Variants in UGT1A9 observed in about 807,000 individuals in gnomAD.
The protein encoded by UGT1A9 is UDP-glucuronosyltransferase 1A9.
A neutral mutation model predicts 45.0 loss-of-function variants in UGT1A9; 35 were observed. That is an observed-to-expected ratio of 0.78 (90% CI 0.59 to 1.03). The LOEUF is 1.03. Ranked by LOEUF, UGT1A9 falls within the 50% of genes least tolerant of loss-of-function variation. UGT1A9 has a pLI of 0.00. For missense variants in UGT1A9, 687 were observed against 666.6 expected (o/e 1.03, Z -0.34); for synonymous variants, 278 against 250.6 (o/e 1.11, Z -1.03).
At chr2:233,693,013 C>A (rs1474583069) in intron 1 of UGT1A9, 1 of 1,614,116 alleles carries the variant, frequency 6.2e-7, no homozygotes, top group Non-Finnish European at 8.5e-7. Context: ...GGATGGCCTG[C>A]CTCCTTCGCT....
At chr2:233,748,116 G>A in intron 1 of UGT1A9, 1 of 1,611,622 alleles carries the variant, frequency 6.2e-7, no homozygotes, top group Admixed American at 1.7e-5. Flanking sequence ...AATGTTCCAG[G>A]CAAAACAGTT....
At chr2:233,719,039 A>T in intron 1 of UGT1A9, 2 of 1,614,110 alleles carry the variant, frequency 1.2e-6, no homozygotes, top group Non-Finnish European at 1.7e-6. Context: ...AAGAAGAGAA[A>T]TTTTTCACCC....
intron 1 of UGT1A9, chr2:233,743,763 C>A (rs1415597563): frequency 7.3e-7 from 1 of 1,367,254 alleles, no homozygotes; most frequent in African/African-American, 1.5e-5. Flanking sequence ...ACCTCGTAGG[C>A]CTCGGCCACC....
chr2:233,696,037 C>T (rs1003324410), intron 1 of UGT1A9, among the ~76,000 whole-genome samples: 55 of 152,230 alleles, frequency 3.6e-4, no homozygotes, highest in African/African-American at 1.3e-3. Flanking sequence ...CCCTAATTTA[C>T]ATTTGAAGAA....
At chr2:233,701,814 A>G (rs2075653740) in intron 1 of UGT1A9, among the ~76,000 whole-genome samples, 1 of 152,220 alleles carries the variant, frequency 6.6e-6, no homozygotes, top group Non-Finnish European at 1.5e-5. Context: ...AAGACACAAC[A>G]TACCAGAATC....
chr2:233,747,052 G>A (rs1432721744), intron 1 of UGT1A9, among the ~76,000 whole-genome samples: 1 of 151,950 alleles, frequency 6.6e-6, no homozygotes, highest in African/African-American at 2.4e-5. Flanking sequence ...GAAAGACAAT[G>A]ATTGGTTAAT....
intron 1 of UGT1A9, chr2:233,682,185 T>C: frequency 1.2e-6 from 2 of 1,614,208 alleles, no homozygotes; most frequent in Non-Finnish European, 1.7e-6. Flanking sequence ...TCATACACTC[T>C]GGAGGATCAG....
intron 1 of UGT1A9, among the ~76,000 whole-genome samples, chr2:233,700,130 A>G (rs1434848061): frequency 2.0e-5 from 3 of 152,150 alleles, no homozygotes; most frequent in Admixed American, 6.5e-5. Flanking sequence ...CCACCCTCTG[A>G]GCTGTTTGTC....
intron 1 of UGT1A9, among the ~76,000 whole-genome samples, chr2:233,745,073 T>G (rs1693008266): frequency 6.6e-6 from 1 of 151,914 alleles, no homozygotes; most frequent in South Asian, 2.1e-4. Context: ...TTTGTATTGT[T>G]TTTTCATTGC....
At chr2:233,761,164 G>C in intron 1 of UGT1A9, 2 of 1,614,240 alleles carry the variant, frequency 1.2e-6, no homozygotes, top group South Asian at 1.1e-5. Flanking sequence ...GTGTATTGGA[G>C]TGGGACTTTT....
Position 233,766,572 on chromosome 2 carries a change from G to A in UGT1A9, c.856-462G>A, listed in dbSNP as rs1699186765. On this transcript the variant is annotated intron_variant, in intron 1 of 4. Coordinates refer to ENST00000354728, the MANE Select transcript of UGT1A9 (RefSeq NM_021027.3). ...TCCTCACCTAGGTCCATGGGCACAG[G>A]TCTGGGGGTGGAGCCCTCGCCAGGG... Among the ~76,000 whole-genome samples, 3 of 152,322 alleles carry A rather than the reference G, an allele frequency of 2.0e-5. No individual in the cohort carries two copies. In the South Asian group the frequency reaches 6.2e-4, roughly 32 times the overall value.
chr2:233,724,324 G>A (rs1335235412), intron 1 of UGT1A9, among the ~76,000 whole-genome samples: 16 of 147,022 alleles, frequency 1.1e-4, no homozygotes, highest in African/African-American at 1.5e-4. Flanking sequence ...GGGGCGGCTG[G>A]CCAGGCGGGG....
At chr2:233,768,583 T>C (rs2538830) in intron 4 of UGT1A9, 144 bp downstream of exon 4, 1 of 47,932 alleles carries the variant, frequency 2.1e-5, no homozygotes, top group Non-Finnish European at 2.6e-5. Flanking sequence ...TTATTTCTTC[T>C]TTTTTTTTTT....
chr2:233,756,159 C>T (rs1012245411), intron 1 of UGT1A9: 2 of 152,210 alleles, frequency 1.3e-5, no homozygotes, highest in Non-Finnish European at 2.9e-5. Context: ...CCTAGGATTT[C>T]CTGGCTCATA....
At chr2:233,691,118 T>C in intron 1 of UGT1A9, 1 of 985,858 alleles carries the variant, frequency 1.0e-6, no homozygotes, top group Non-Finnish European at 1.2e-6. Context: ...CATGCTTGCT[T>C]AAGCCATTCT....
intron 1 of UGT1A9, among the ~76,000 whole-genome samples, chr2:233,686,733 C>G (rs978892759): frequency 6.6e-6 from 1 of 152,248 alleles, no homozygotes; most frequent in African/African-American, 2.4e-5. Flanking sequence ...AGGTCAACCT[C>G]TTGCCTTCCC....
intron 1 of UGT1A9, among the ~76,000 whole-genome samples, chr2:233,735,018 T>G (rs1362396194): frequency 6.6e-6 from 1 of 152,220 alleles, no homozygotes; most frequent in Non-Finnish European, 1.5e-5. Flanking sequence ...GTTCTGTAGA[T>G]GTCTATTAGG....
intron 1 of UGT1A9, among the ~76,000 whole-genome samples, chr2:233,700,741 C>CTT (rs1337055948): frequency 1.3e-5 from 2 of 151,592 alleles, no homozygotes; most frequent in Non-Finnish European, 2.9e-5. Flanking sequence ...TATTATTATA[C>CTT]TTTAAGTTTT....
intron 1 of UGT1A9, among the ~76,000 whole-genome samples, chr2:233,726,278 A>T (rs548858738): frequency 6.6e-6 from 1 of 152,236 alleles, no homozygotes; most frequent in Non-Finnish European, 1.5e-5. Context: ...CTATGGTCCC[A>T]GGTACTTGGG....
Sources: allele counts gnomAD v4.1 joint callset (sites outside exome capture counted in the v4.1 genomes callset), GRCh38; gene constraint gnomAD v4.1.1; transcripts MANE v1.5; gene names NCBI Gene and HGNC (gene_info 2026-07-23, HGNC 2026-07-21).